The following KCNK9 variants were observed in gnomAD, a reference collection of about 807,000 sequenced individuals.
The protein encoded by KCNK9 is potassium two pore domain channel subfamily K member 9.
A neutral mutation model predicts 10.8 loss-of-function variants in KCNK9; 1 was observed. That is an observed-to-expected ratio of 0.09 (90% CI 0.03 to 0.44). The LOEUF is 0.44. Among genes scored for constraint, KCNK9 ranks in the 20% least tolerant of loss-of-function variants. The pLI is 0.97. For missense variants in KCNK9, 303 were observed against 515.0 expected, an observed-to-expected ratio of 0.59 and a Z score of 3.98; for synonymous variants, 231 against 222.7, an observed-to-expected ratio of 1.04 and a Z score of -0.33.
chr8:139,618,675 C>A lies in KCNK9; in HGVS notation c.708G>T (p.Gly236=). The change falls in exon 2 of 2, where the codon GGG becomes GGT. Residue 236 remains glycine (G), a synonymous_variant. Coordinates refer to ENST00000520439, the MANE Select transcript of KCNK9 (RefSeq NM_001282534.2). This position sits in a 1 kb window ranked among gnomAD's most constrained non-coding sequence, Gnocchi z 7.9. ...TGAGGACGACCAGGTTGAGGAAGGC[C>A]CCGATGACCGTCAGCCCCACCAGGA... ...MYILVGLTVI[G]AFLNLVVLRF... 1 of 1,614,174 alleles carries A rather than the reference C, an allele frequency of 6.2e-7. No homozygotes were observed. The highest frequency in any genetic ancestry group is 1.7e-5 in the Admixed American group (1 of 60,022).
intron 1 of KCNK9, among the ~76,000 whole-genome samples, chr8:139,636,143 A>G (rs1815332216): frequency 6.6e-6 from 1 of 152,216 alleles, no homozygotes; most frequent in Non-Finnish European, 1.5e-5. Context: ...TTCAAAAATG[A>G]AGACCAGCCT....
intron 1 of KCNK9, among the ~76,000 whole-genome samples, chr8:139,643,998 C>T (rs1586657898): frequency 1.3e-5 from 2 of 152,350 alleles, no homozygotes; most frequent in Middle Eastern, 6.8e-3. Context: ...ATTGTGGTCC[C>T]CACCTCTGCC....
At position 139,618,454 on chromosome 8, in the gene KCNK9, C is replaced by A. The variant is rs756601239; in HGVS notation, c.929G>T (p.Arg310Leu). The A allele has an allele frequency of 6.2e-7, 1 of 1,613,836 alleles. No homozygotes were observed. Among genetic ancestry groups the A allele is most frequent in the Non-Finnish European group, 8.5e-7 (1 of 1,179,952 alleles). The change falls in exon 2 of 2, where the codon CGC (arginine) becomes CTC (leucine). Residue 310 changes from arginine to leucine, a missense_variant. Arg to Leu is a moderately radical substitution (Grantham distance 102, BLOSUM62 -2). Around this residue, in one of 5 missense-constraint regions of KCNK9, gnomAD observed 138 missense variants for 161.1 expected, o/e 0.86. Transcript: ENST00000520439. The surrounding 1 kb of genome is among the most constrained non-coding windows in gnomAD (Gnocchi z 7.9). ...GAAGGAGTTCTGCGGTGCCACCGAG[C>A]GGCCGCCATAGTCCTGCGAGCGGTA... ...TCYRSQDYGG[R>L]SVAPQNSFSA...
At chr8:139,688,295 C>G (rs1302573487) in intron 1 of KCNK9, among the ~76,000 whole-genome samples, 1 of 152,132 alleles carries the variant, frequency 6.6e-6, no homozygotes, top group African/African-American at 2.4e-5. Flanking sequence ...TAAAGAAATA[C>G]CCGAGACAGG....
At chr8:139,686,801 A>G (rs1216386506) in intron 1 of KCNK9, among the ~76,000 whole-genome samples, 1 of 152,236 alleles carries the variant, frequency 6.6e-6, no homozygotes, top group African/African-American at 2.4e-5. Context: ...TTTAAAACAC[A>G]CGCTTCAAAT....
At chr8:139,672,613 C>G (rs529794655) in intron 1 of KCNK9, among the ~76,000 whole-genome samples, 1 of 152,344 alleles carries the variant, frequency 6.6e-6, no homozygotes, top group East Asian at 1.9e-4. Flanking sequence ...CCCAGGGGAG[C>G]CTGTAGCAGA....
At chr8:139,605,757 T>G (rs781626747) in intron 2 of KCNK9, among the ~76,000 whole-genome samples, 4 of 152,232 alleles carry the variant, frequency 2.6e-5, no homozygotes, top group Non-Finnish European at 4.4e-5. Flanking sequence ...ACCGCACTCG[T>G]TACAAAAGAA....
chr8:139,640,404 G>A (rs947926060), intron 1 of KCNK9, among the ~76,000 whole-genome samples: 6 of 152,182 alleles, frequency 3.9e-5, no homozygotes, highest in African/African-American at 1.4e-4. Flanking sequence ...CTGGGATGTG[G>A]ATGTGCTGGT....
intron 1 of KCNK9, among the ~76,000 whole-genome samples, chr8:139,623,901 T>C (rs1320482124): frequency 2.0e-5 from 3 of 152,046 alleles, no homozygotes; most frequent in African/African-American, 7.3e-5. Context: ...CGACTGCGGG[T>C]GAGATCTAGC....
downstream of KCNK9, among the ~76,000 whole-genome samples, chr8:139,607,965 G>GT (rs1171306899): frequency 2.6e-5 from 4 of 152,200 alleles, no homozygotes; most frequent in African/African-American, 4.8e-5. Context: ...AGGAACCAGG[G>GT]TTGGGTGCTT....
At chr8:139,643,309 G>C (rs1408362666) in intron 1 of KCNK9, among the ~76,000 whole-genome samples, 2 of 152,182 alleles carry the variant, frequency 1.3e-5, no homozygotes, top group Non-Finnish European at 2.9e-5. Context: ...CCGCCTGTCT[G>C]GATCTCCAAG....
chr8:139,615,846 A>G (rs1341183992), downstream of KCNK9: 1 of 152,078 alleles, frequency 6.6e-6, no homozygotes, highest in Non-Finnish European at 1.5e-5. Flanking sequence ...TGGCTCCTAT[A>G]TGACCAAATT....
intron 1 of KCNK9, among the ~76,000 whole-genome samples, chr8:139,670,703 A>G (rs1020882265): frequency 6.6e-6 from 1 of 152,362 alleles, no homozygotes; most frequent in Non-Finnish European, 1.5e-5. Flanking sequence ...TGAGTCTCAG[A>G]GCCATTGATT....
At chr8:139,621,790 A>G (rs1033795810) in intron 1 of KCNK9, among the ~76,000 whole-genome samples, 8 of 152,220 alleles carry the variant, frequency 5.3e-5, no homozygotes, top group Admixed American at 5.2e-4. Context: ...TGGGAATCCT[A>G]CTATATCTCC....
chr8:139,684,240 C>A (rs1029552523), intron 1 of KCNK9, among the ~76,000 whole-genome samples: 1 of 152,188 alleles, frequency 6.6e-6, no homozygotes, highest in South Asian at 2.1e-4. Flanking sequence ...ACTTGGTGAA[C>A]CCTCAGTGAA....
At chr8:139,668,323 A>G (rs1323373556) in intron 1 of KCNK9, among the ~76,000 whole-genome samples, 1 of 152,166 alleles carries the variant, frequency 6.6e-6, no homozygotes, top group Non-Finnish European at 1.5e-5. Flanking sequence ...GTACCCTTGA[A>G]CTTAAAATAA....
intron 1 of KCNK9, among the ~76,000 whole-genome samples, chr8:139,659,284 C>T (rs1382833063): frequency 1.3e-5 from 2 of 152,198 alleles, no homozygotes; most frequent in East Asian, 1.9e-4. Context: ...AAGGCTTTCC[C>T]TATGCACTAC....
At chr8:139,701,706 C>T (rs1002957626) in intron 1 of KCNK9, among the ~76,000 whole-genome samples, 3 of 152,160 alleles carry the variant, frequency 2.0e-5, no homozygotes, top group Admixed American at 6.5e-5. Flanking sequence ...GAGACACCAC[C>T]CTGCCTCCTG....
chr8:139,678,053 A>G (rs913257193), intron 1 of KCNK9, among the ~76,000 whole-genome samples: 1 of 131,940 alleles, frequency 7.6e-6, no homozygotes, highest in Non-Finnish European at 1.7e-5. Flanking sequence ...GACCCAGCCC[A>G]TCCAGGCCCA....
Sources: gnomAD v4.1 joint callset for allele counts (sites outside exome capture counted in the v4.1 genomes callset) on GRCh38, gnomAD v4.1.1 for gene constraint, gnomAD v4.1.1 regional missense constraint, Gnocchi (gnomAD v3.1) non-coding constraint, MANE v1.5 for transcripts, NCBI Gene and HGNC (gene_info 2026-07-23, HGNC 2026-07-21) for gene names.